The following MAP2K1 variants were observed in gnomAD, a reference collection of about 807,000 sequenced individuals.
MAP2K1 encodes the protein dual specificity mitogen-activated protein kinase kinase 1.
A neutral mutation model predicts 46.3 loss-of-function variants in MAP2K1; 16 were observed. The observed-to-expected ratio is 0.35, with a 90% CI of 0.23 to 0.52. The LOEUF is 0.52. Ranked by LOEUF, MAP2K1 falls within the 20% of genes least tolerant of loss-of-function variation. The pLI, the probability that MAP2K1 is intolerant of heterozygous loss-of-function variation, is 0.94. For synonymous variants in MAP2K1, 183 were observed against 185.6 expected, an observed-to-expected ratio of 0.99 and a Z score of 0.11; for missense variants, 263 against 497.1, an observed-to-expected ratio of 0.53 and a Z score of 4.48.
At chr15:66,449,003 CAAAAAAAAAAAAA>C (rs59398424) in intron 5 of MAP2K1, among the ~76,000 whole-genome samples, 1 of 47,950 alleles carries the variant, frequency 2.1e-5, no homozygotes, top group African/African-American at 8.8e-5. Flanking sequence ...GACACTGTCT[CAAAAAAAAAAAAA>C]AAAAAAAAAA....
intron 1 of MAP2K1, among the ~76,000 whole-genome samples, chr15:66,398,034 G>A (rs924562946): frequency 1.2e-4 from 18 of 152,044 alleles, no homozygotes; most frequent in Admixed American, 2.0e-4. Flanking sequence ...TCCAGGAGGC[G>A]GAGGTTGCAG....
intron 1 of MAP2K1, among the ~76,000 whole-genome samples, chr15:66,408,231 A>G (rs2093402596): frequency 6.6e-6 from 1 of 152,232 alleles, no homozygotes; most frequent in East Asian, 1.9e-4. Flanking sequence ...AGGAGAGAAA[A>G]TTCTTATTTC....
chr15:66,423,116 C>G (rs2093447675), intron 1 of MAP2K1, among the ~76,000 whole-genome samples: 1 of 152,006 alleles, frequency 6.6e-6, no homozygotes, highest in African/African-American at 2.4e-5. Flanking sequence ...TTAAAAAGTT[C>G]TGTCGACCTA....
chr15:66,428,285 TGTGTGTGTG>T (rs2093464976), intron 1 of MAP2K1, among the ~76,000 whole-genome samples: 65 of 109,146 alleles, frequency 6.0e-4, no homozygotes, highest in Middle Eastern at 5.2e-3. Context: ...TGTGTGTGTG[TGTGTGTGTG>T]TGTGTGTGTG....
chr15:66,445,551 G>A (rs1035046923), intron 5 of MAP2K1, among the ~76,000 whole-genome samples: 2 of 152,198 alleles, frequency 1.3e-5, no homozygotes, highest in Non-Finnish European at 2.9e-5. Context: ...TAAAGAAGCT[G>A]TATTTCTTGT....
chr15:66,442,417 T>C (rs1291218204), intron 3 of MAP2K1, among the ~76,000 whole-genome samples: 1 of 152,136 alleles, frequency 6.6e-6, no homozygotes, highest in South Asian at 2.1e-4. Context: ...CCTTTTCTCC[T>C]CCCCTTTTCC....
intron 3 of MAP2K1, 123 bp downstream of exon 3, chr15:66,437,015 T>G: frequency 2.0e-6 from 2 of 1,003,268 alleles, no homozygotes; most frequent in Non-Finnish European, 3.1e-6. Context: ...CATCACTATC[T>G]GGGGCATCTG....
chr15:66,407,836 C>T (rs1020839032), intron 1 of MAP2K1, among the ~76,000 whole-genome samples: 3 of 152,068 alleles, frequency 2.0e-5, no homozygotes, highest in African/African-American at 4.8e-5. Flanking sequence ...AGCAAGACTT[C>T]GTCTGTTAAA....
chr15:66,439,078 C>T lies in MAP2K1; in HGVS notation c.438+2186C>T, dbSNP rs563412190. Among the ~76,000 whole-genome samples, 22 of 152,342 alleles carry T rather than the reference C, an allele frequency of 1.4e-4. 1 individual carries two copies. In the South Asian group the frequency reaches 4.3e-3, roughly 30 times the overall value. On this transcript the variant is annotated intron_variant, in intron 3 of 10. Transcript: ENST00000307102. Reference sequence around the variant, plus strand: ...GCTTCAGCTCTGGGCACTCTCAGCCCTTCCTTATTCCTGAGCAGGTCCTGT... The same window carrying T: ...GCTTCAGCTCTGGGCACTCTCAGCCTTTCCTTATTCCTGAGCAGGTCCTGT...
rs1317253887 is a variant in MAP2K1, at chr15:66,482,562, G to A, written c.693+683G>A. Among the ~76,000 whole-genome samples, 6 of 152,190 alleles carry A rather than the reference G, an allele frequency of 3.9e-5. No homozygotes were observed. In the East Asian group the frequency reaches 1.2e-3, roughly 29 times the overall value. Reference sequence around the variant, plus strand: ...TCTGCTGGCTCACACTGTCACCAGAGCATTGTGTGGGGCCATCCTCACACT... The same window carrying A: ...TCTGCTGGCTCACACTGTCACCAGAACATTGTGTGGGGCCATCCTCACACT... On this transcript the variant is annotated intron_variant, in intron 6 of 10. Transcript: ENST00000307102.
chr15:66,463,788 G>A (rs1264674367), intron 5 of MAP2K1, among the ~76,000 whole-genome samples: 1 of 151,998 alleles, frequency 6.6e-6, no homozygotes, highest in East Asian at 1.9e-4. Context: ...CTGGCCAGAG[G>A]TTGGTTTTAT....
chr15:66,472,359 G>C (rs2140652190), intron 5 of MAP2K1, among the ~76,000 whole-genome samples: 1 of 151,736 alleles, frequency 6.6e-6, no homozygotes, highest in Non-Finnish European at 1.5e-5. Flanking sequence ...CCCTTTCGAT[G>C]TTGGCTTTCT....
intron 1 of MAP2K1, among the ~76,000 whole-genome samples, chr15:66,411,919 T>G (rs2093412289): frequency 2.0e-5 from 3 of 152,170 alleles, no homozygotes. Flanking sequence ...AGGAGAGAGA[T>G]CTTGCCCATG....
intron 1 of MAP2K1, among the ~76,000 whole-genome samples, chr15:66,400,682 C>T (rs1430525000): frequency 6.6e-6 from 1 of 152,144 alleles, no homozygotes; most frequent in Non-Finnish European, 1.5e-5. Flanking sequence ...AAGTTTTCGT[C>T]TTCTCCTCCC....
intron 1 of MAP2K1, among the ~76,000 whole-genome samples, chr15:66,389,347 T>C (rs2093351383): frequency 6.6e-6 from 1 of 152,168 alleles, no homozygotes; most frequent in Non-Finnish European, 1.5e-5. Flanking sequence ...GATTTGGAAG[T>C]GGATACTGAG....
intron 5 of MAP2K1, chr15:66,446,410 C>A: frequency 6.2e-6 from 1 of 161,356 alleles, no homozygotes; most frequent in Non-Finnish European, 1.3e-5. Flanking sequence ...CACTGCACTC[C>A]AGCCTGGGCG....
chr15:66,475,901 G>A (rs566678740), intron 5 of MAP2K1, among the ~76,000 whole-genome samples: 1 of 152,296 alleles, frequency 6.6e-6, no homozygotes, highest in African/African-American at 2.4e-5. Context: ...ATAAATAAAT[G>A]ACTCCCTAAA....
At chr15:66,467,134 T>C (rs1892488112) in intron 5 of MAP2K1, among the ~76,000 whole-genome samples, 1 of 152,072 alleles carries the variant, frequency 6.6e-6, no homozygotes, top group Non-Finnish European at 1.5e-5. Flanking sequence ...CTCGAGAGGC[T>C]GAGGTAGGAG....
At position 66,399,802 on chromosome 15, in the gene MAP2K1, G is replaced by A. The variant is rs575436860; in HGVS notation, c.80+12375G>A. Among the ~76,000 whole-genome samples the A allele has an allele frequency of 2.0e-5, 3 of 152,206 alleles. No individual in the cohort carries two copies. In the South Asian group the frequency reaches 6.2e-4, roughly 32 times the overall value. On this transcript the variant is annotated intron_variant, in intron 1 of 10. Transcript: ENST00000307102. ...AGTAGAGATGGGGTTTCACCTTGTT[G>A]GCCAGGCTGGTCTGGAACTCTTGAC...
Sources: gnomAD v4.1 joint callset for allele counts (sites outside exome capture counted in the v4.1 genomes callset) on GRCh38, gnomAD v4.1.1 for gene constraint, MANE v1.5 for transcripts, NCBI Gene and HGNC (gene_info 2026-07-23, HGNC 2026-07-21) for gene names.